CNTLN: variants seen among roughly 807,000 people sequenced by gnomAD.
The protein encoded by CNTLN is centlein.
Under a neutral mutation model 180.0 loss-of-function variants are expected in CNTLN, and 212 were observed. That is an observed-to-expected ratio of 1.18 (90% CI 1.05 to 1.32). CNTLN has a LOEUF of 1.32. CNTLN is among the 40% of genes most tolerant of loss of function. The pLI is 0.00. For missense variants in CNTLN, 2,095 were observed against 1,610.9 expected, an observed-to-expected ratio of 1.30 and a Z score of -5.14; for synonymous variants, 722 against 563.1, an observed-to-expected ratio of 1.28 and a Z score of -3.99.
chr9:17,461,910 C>T (rs1167296679), intron 19 of CNTLN, among the ~76,000 whole-genome samples: 1 of 151,668 alleles, frequency 6.6e-6, no homozygotes, highest in African/African-American at 2.4e-5. Context: ...GAAAGGTGTT[C>T]TAACACTCTA....
chr9:17,312,553 A>ATTTTTTTTTT (rs56915301), intron 8 of CNTLN, among the ~76,000 whole-genome samples: 18 of 100,422 alleles, frequency 1.8e-4, no homozygotes, highest in African/African-American at 3.4e-4. Flanking sequence ...AGCCCGGCTA[A>ATTTTTTTTTT]TTTTTTTTTT....
At chr9:17,230,015 A>G (rs1178100511) in intron 3 of CNTLN, among the ~76,000 whole-genome samples, 1 of 152,174 alleles carries the variant, frequency 6.6e-6, no homozygotes, top group Non-Finnish European at 1.5e-5. Context: ...AGCTGAAAAA[A>G]ATTCACGAAT....
At chr9:17,396,549 T>C (rs1455164105) in intron 15 of CNTLN, among the ~76,000 whole-genome samples, 1 of 152,234 alleles carries the variant, frequency 6.6e-6, no homozygotes, top group Non-Finnish European at 1.5e-5. Flanking sequence ...AAATCCCTAA[T>C]AGTGATTCTG....
intron 2 of CNTLN, among the ~76,000 whole-genome samples, chr9:17,159,108 C>A (rs1355177095): frequency 1.3e-5 from 2 of 152,080 alleles, no homozygotes; most frequent in Admixed American, 1.3e-4. Flanking sequence ...TGTTTAATTT[C>A]CACTTATTTG....
At chr9:17,244,243 G>A (rs1174409959) in intron 5 of CNTLN, among the ~76,000 whole-genome samples, 3 of 148,378 alleles carry the variant, frequency 2.0e-5, no homozygotes, top group African/African-American at 2.5e-5. Context: ...ACATGGTCTC[G>A]CTCTGTCACC....
At chr9:17,322,713 G>C (rs1327015978) in intron 8 of CNTLN, among the ~76,000 whole-genome samples, 1 of 151,900 alleles carries the variant, frequency 6.6e-6, no homozygotes, top group East Asian at 1.9e-4. Context: ...TGCCATCTGG[G>C]TGCAGCTTGT....
At chr9:17,312,363 A>ATT (rs375483820) in intron 8 of CNTLN, among the ~76,000 whole-genome samples, 29 of 15,150 alleles carry the variant, frequency 1.9e-3, no homozygotes, top group African/African-American at 2.8e-3. Flanking sequence ...ATATATATAT[A>ATT]TTATATATAT....
At chr9:17,461,255 C>A (rs571470235) in intron 19 of CNTLN, among the ~76,000 whole-genome samples, 27 of 151,566 alleles carry the variant, frequency 1.8e-4, no homozygotes, top group African/African-American at 6.0e-4. Flanking sequence ...ACTGAATGAA[C>A]AATCATCAGA....
At chr9:17,284,836 T>G (rs1225819201) in intron 6 of CNTLN, among the ~76,000 whole-genome samples, 1 of 152,076 alleles carries the variant, frequency 6.6e-6, no homozygotes, top group African/African-American at 2.4e-5. Context: ...CTATTTCTTT[T>G]AGTTTTGATG....
At chr9:17,185,096 A>T (rs1821349244) in intron 2 of CNTLN, among the ~76,000 whole-genome samples, 1 of 152,218 alleles carries the variant, frequency 6.6e-6, no homozygotes, top group South Asian at 2.1e-4. Context: ...GAATGTTTTC[A>T]TTATACTGGA....
At chr9:17,143,989 C>T (rs1818281097) in intron 2 of CNTLN, among the ~76,000 whole-genome samples, 1 of 152,162 alleles carries the variant, frequency 6.6e-6, no homozygotes, top group Admixed American at 6.5e-5. Flanking sequence ...ACACTTAGCA[C>T]AGCAATGAAA....
At chr9:17,287,958 G>A (rs1189582047) in intron 6 of CNTLN, among the ~76,000 whole-genome samples, 1 of 144,024 alleles carries the variant, frequency 6.9e-6, no homozygotes, top group South Asian at 2.4e-4. Flanking sequence ...CAAAAAACCA[G>A]CTCCTGGATT....
At chr9:17,142,299 T>C (rs1480294487) in intron 1 of CNTLN, among the ~76,000 whole-genome samples, 2 of 152,136 alleles carry the variant, frequency 1.3e-5, no homozygotes, top group Non-Finnish European at 2.9e-5. Context: ...GTGTATTTTA[T>C]ATATGGCCTA....
intron 23 of CNTLN, among the ~76,000 whole-genome samples, chr9:17,483,579 A>G (rs570812182): frequency 6.6e-5 from 10 of 152,296 alleles, no homozygotes; most frequent in Non-Finnish European, 1.5e-4. Flanking sequence ...TCAGCTCACA[A>G]AGCCATGTAT....
chr9:17,242,072 A>G (rs1042603287), intron 5 of CNTLN, among the ~76,000 whole-genome samples: 1 of 152,168 alleles, frequency 6.6e-6, no homozygotes, highest in Admixed American at 6.5e-5. Flanking sequence ...GGCTTCCAGT[A>G]CTGTGCTGAA....
At position 17,415,817 on chromosome 9, in the gene CNTLN, A is replaced by G. The variant is rs970150083; in HGVS notation, c.2826A>G (p.Lys942=). 8 of 1,612,280 alleles carry G rather than the reference A, an allele frequency of 5.0e-6. No individual in the cohort carries two copies. The African/African-American group carries it at 1.1e-4, about 21-fold the overall frequency. ...KDYFHDKNAK[K]PTFQKKNCKM... ...ATTTTCATGATAAGAATGCCAAAAA[A>G]CCAACTTTTCAAAAGAAGAATTGCA... Residue 942 remains lysine, a synonymous_variant, in exon 17 of 26, where the codon AAA becomes AAG. Transcript: ENST00000380647.
At chr9:17,284,770 G>A (rs531624313) in intron 6 of CNTLN, among the ~76,000 whole-genome samples, 1 of 151,848 alleles carries the variant, frequency 6.6e-6, no homozygotes, top group African/African-American at 2.4e-5. Flanking sequence ...ATTCTGCTCT[G>A]ATCTTGGTTA....
At chr9:17,405,798 T>C (rs1827341444) in intron 15 of CNTLN, among the ~76,000 whole-genome samples, 1 of 151,724 alleles carries the variant, frequency 6.6e-6, no homozygotes. Context: ...TTATTATTTT[T>C]ATTTTTTTAG....
intron 2 of CNTLN, among the ~76,000 whole-genome samples, chr9:17,183,901 A>G (rs1408604443): frequency 1.3e-5 from 2 of 152,046 alleles, no homozygotes; most frequent in African/African-American, 2.4e-5. Flanking sequence ...AGTTATATTC[A>G]CCAGATAAGA....
Sources: allele counts gnomAD v4.1 joint callset (sites outside exome capture counted in the v4.1 genomes callset), GRCh38; gene constraint gnomAD v4.1.1; transcripts MANE v1.5; gene names NCBI Gene and HGNC (gene_info 2026-07-23, HGNC 2026-07-21).